Variants in SCAI observed in about 807,000 individuals in gnomAD.
SCAI encodes suppressor of cancer cell invasion, also known as protein SCAI.
A neutral mutation model predicts 92.2 loss-of-function variants in SCAI; 24 were observed. The observed-to-expected ratio is 0.26, with a 90% CI of 0.19 to 0.37. The LOEUF (loss-of-function observed/expected upper bound fraction) is 0.37, where lower values mean the gene tolerates loss of function less well. Ranked by LOEUF, SCAI falls within the 10% of genes least tolerant of loss-of-function variation. SCAI has a pLI of 1.00. For missense variants in SCAI, 450 were observed against 736.2 expected, an observed-to-expected ratio of 0.61 and a Z score of 4.50; for synonymous variants, 261 against 258.6, an observed-to-expected ratio of 1.01 and a Z score of -0.09.
chr9:124,959,701 A>G (rs997842203), intron 17 of SCAI, among the ~76,000 whole-genome samples: 1 of 107,170 alleles, frequency 9.3e-6, no homozygotes, highest in African/African-American at 3.6e-5. Flanking sequence ...CCACCCCACA[A>G]TAGGCCCCGA....
At chr9:124,962,730 T>A (rs1369133813) in intron 17 of SCAI, among the ~76,000 whole-genome samples, 1 of 152,142 alleles carries the variant, frequency 6.6e-6, no homozygotes, top group Non-Finnish European at 1.5e-5. Flanking sequence ...ACCTTACAGA[T>A]AACATAAACA....
At chr9:124,962,587 C>G (rs1831462402) in intron 17 of SCAI, among the ~76,000 whole-genome samples, 2 of 152,126 alleles carry the variant, frequency 1.3e-5, no homozygotes, top group Non-Finnish European at 1.5e-5. Flanking sequence ...GATGGCTTCA[C>G]AGATTTTCTT....
chr9:124,968,906 T>G, intron 17 of SCAI: 2 of 460,236 alleles, frequency 4.3e-6, no homozygotes, highest in Non-Finnish European at 7.7e-6. Context: ...TTTTCCAAAC[T>G]GTAGGAAATC....
intron 5 of SCAI, among the ~76,000 whole-genome samples, chr9:125,027,781 T>C (rs1832992383): frequency 6.6e-6 from 1 of 152,210 alleles, no homozygotes; most frequent in African/African-American, 2.4e-5. Flanking sequence ...CCCAAAGTCC[T>C]AGGATTACAG....
intron 2 of SCAI, among the ~76,000 whole-genome samples, chr9:125,109,398 G>A (rs911093993): frequency 6.6e-6 from 1 of 151,696 alleles, no homozygotes; most frequent in East Asian, 1.9e-4. Flanking sequence ...ACAGGTCTCT[G>A]GTAACAGAGA....
intron 14 of SCAI, among the ~76,000 whole-genome samples, chr9:124,994,457 TGA>T (rs1321605317): frequency 6.6e-6 from 1 of 152,204 alleles, no homozygotes; most frequent in Non-Finnish European, 1.5e-5. Flanking sequence ...CTTTTTTTTG[TGA>T]TTGTCACAAA....
chr9:124,969,359 A>G (rs1052467580), intron 17 of SCAI, among the ~76,000 whole-genome samples: 13 of 152,330 alleles, frequency 8.5e-5, no homozygotes, highest in African/African-American at 3.1e-4. Flanking sequence ...TTTGAAAAAA[A>G]AATTTTCCTT....
At chr9:124,959,590 T>C (rs74605024) in intron 17 of SCAI, among the ~76,000 whole-genome samples, 4,724 of 151,232 alleles carry the variant, frequency 0.031, 231 homozygotes, top group East Asian at 0.23. Flanking sequence ...GCCATGCAGG[T>C]TTGTTACATA....
chr9:124,970,906 C>G (rs1026388071), intron 17 of SCAI, among the ~76,000 whole-genome samples: 3 of 151,956 alleles, frequency 2.0e-5, no homozygotes, highest in African/African-American at 7.3e-5. Flanking sequence ...CCTCCGCCTC[C>G]TGGGTTCAAG....
chr9:125,137,517 C>G (rs1835565633), intron 2 of SCAI, among the ~76,000 whole-genome samples: 1 of 152,322 alleles, frequency 6.6e-6, no homozygotes, highest in South Asian at 2.1e-4. Context: ...CATCAGAGAG[C>G]CATATACCAA....
chr9:125,108,847 G>A (rs1026523891), intron 2 of SCAI, among the ~76,000 whole-genome samples: 6 of 152,206 alleles, frequency 3.9e-5, no homozygotes, highest in Non-Finnish European at 5.9e-5. Context: ...CCACCACCCC[G>A]TCTGGGAGGT....
chr9:124,984,078 G>A (rs769025580), intron 14 of SCAI, among the ~76,000 whole-genome samples: 6 of 152,248 alleles, frequency 3.9e-5, no homozygotes, highest in Admixed American at 2.0e-4. Context: ...GGACAATTAG[G>A]GAAGACCTTT....
At chr9:125,098,921 C>G (rs1834620409) in intron 2 of SCAI, among the ~76,000 whole-genome samples, 1 of 151,802 alleles carries the variant, frequency 6.6e-6, no homozygotes, top group Admixed American at 6.6e-5. Context: ...TCTACGACAT[C>G]AAAATTCTCC....
rs557464500 is a variant in SCAI at position 125,136,826 on chromosome 9, C to T, written c.98+5807G>A. ...CTCTGTCACCCAGGCTAGAGTGCAG[C>T]GATCTCGGCTCACTGCAACCTTCTC... On this transcript the variant is annotated intron_variant, in intron 2 of 17. Transcript: ENST00000336505. Among the ~76,000 whole-genome samples the T allele has an allele frequency of 6.1e-5, 9 of 147,748 alleles. 1 individual carries two copies. Among genetic ancestry groups the T allele is most frequent in the East Asian group, 6.0e-4 (3 of 5,038 alleles).
chr9:125,055,202 G>A (rs1037347079), intron 3 of SCAI, among the ~76,000 whole-genome samples: 1 of 152,046 alleles, frequency 6.6e-6, no homozygotes. Flanking sequence ...TCCTTCCTAT[G>A]TAAATTTTCA....
At chr9:125,124,505 C>T (rs1835221941) in intron 2 of SCAI, among the ~76,000 whole-genome samples, 1 of 152,080 alleles carries the variant, frequency 6.6e-6, no homozygotes, top group Non-Finnish European at 1.5e-5. Context: ...TGGTTCAAGT[C>T]CAAAGGCAGG....
chr9:124,978,709 A>G (rs940256706), intron 14 of SCAI, among the ~76,000 whole-genome samples: 54 of 152,318 alleles, frequency 3.5e-4, no homozygotes, highest in African/African-American at 1.2e-3. Context: ...AAGCCTTGTT[A>G]GTGATAGTGA....
At chr9:124,986,921 G>A (rs1032844892) in intron 14 of SCAI, among the ~76,000 whole-genome samples, 1 of 152,202 alleles carries the variant, frequency 6.6e-6, no homozygotes, top group African/African-American at 2.4e-5. Context: ...TGACAAATCT[G>A]TAAGTCATTT....
chr9:125,038,896 AG>A (rs1378309719), intron 3 of SCAI, among the ~76,000 whole-genome samples: 1 of 152,150 alleles, frequency 6.6e-6, no homozygotes, highest in African/African-American at 2.4e-5. Flanking sequence ...ATTTAACCTT[AG>A]CCTGTTATCT....
Sources: allele counts gnomAD v4.1 joint callset (sites outside exome capture counted in the v4.1 genomes callset), GRCh38; gene constraint gnomAD v4.1.1; transcripts MANE v1.5; gene names NCBI Gene and HGNC (gene_info 2026-07-23, HGNC 2026-07-21).